Variants in PTPRD observed in about 807,000 individuals in gnomAD.
PTPRD encodes the protein receptor-type tyrosine-protein phosphatase delta.
In PTPRD, 34 loss-of-function variants were observed where a neutral mutation model predicts 214.5. The observed-to-expected ratio is 0.16, with a 90% CI of 0.12 to 0.21. The LOEUF is 0.21. Among genes scored for constraint, PTPRD ranks in the 10% least tolerant of loss-of-function variants. The probability of loss-of-function intolerance (pLI) is 1.00; values close to 1 mark genes in which losing one functional copy is unlikely to be tolerated. For missense variants in PTPRD, 2,545 were observed against 2,398.7 expected (o/e 1.06, Z -1.27); for synonymous variants, 1,128 against 845.7 (o/e 1.33, Z -5.79).
rs149175517 is a variant in PTPRD, at chr9:8,528,683, C to G, written c.449G>C (p.Ser150Thr). 6.2e-7 allele frequency: 1 copy of G among 1,613,780 alleles called. No homozygotes were observed. Among genetic ancestry groups the G allele is most frequent in the Non-Finnish European group, 8.5e-7 (1 of 1,179,780 alleles). The change falls in exon 15 of 46, where the codon AGT becomes ACT. Residue 150 changes from serine to threonine, a missense_variant. Transcript: ENST00000381196. ...AGTGATTTCTGGATCCGGATTACCA[C>G]TGGCTGCACAAAGCATGGTGGCCGT... ...TRTATMLCAA[S>T]GNPDPEITWF...
At chr9:10,595,313 A>T (rs1039360142) in intron 2 of PTPRD, among the ~76,000 whole-genome samples, 1 of 151,964 alleles carries the variant, frequency 6.6e-6, no homozygotes, top group Non-Finnish European at 1.5e-5. Flanking sequence ...GATGAACTAT[A>T]AAAGATAATG....
intron 2 of PTPRD, among the ~76,000 whole-genome samples, chr9:10,376,162 C>T (rs1395937029): frequency 6.6e-6 from 1 of 151,848 alleles, no homozygotes; most frequent in African/African-American, 2.4e-5. Flanking sequence ...GGTTATAAGA[C>T]TAGTTACTAC....
chr9:9,152,768 C>T (rs1200044098), intron 10 of PTPRD, among the ~76,000 whole-genome samples: 1 of 152,174 alleles, frequency 6.6e-6, no homozygotes, highest in East Asian at 1.9e-4. Flanking sequence ...CAAGGCTGAC[C>T]TCATCTTTTC....
chr9:8,737,881 CCTTGTGATCCG>C (rs1445498613), intron 11 of PTPRD, among the ~76,000 whole-genome samples: 1 of 152,132 alleles, frequency 6.6e-6, no homozygotes, highest in African/African-American at 2.4e-5. Context: ...GAACTCCTGA[CCTTGTGATCCG>C]CTCGCCTCGG....
At chr9:9,509,171 G>A (rs902071594) in intron 8 of PTPRD, among the ~76,000 whole-genome samples, 3 of 151,638 alleles carry the variant, frequency 2.0e-5, no homozygotes, top group Non-Finnish European at 4.4e-5. Flanking sequence ...GCCATTCTAA[G>A]TTGCTGGGTT....
At chr9:9,018,426 CATTA>C (rs1034204275) in intron 11 of PTPRD, among the ~76,000 whole-genome samples, 4 of 152,090 alleles carry the variant, frequency 2.6e-5, no homozygotes, top group African/African-American at 7.2e-5. Context: ...AAAACATACC[CATTA>C]TTTAGGACTT....
At chr9:9,495,853 C>T (rs1569568808) in intron 8 of PTPRD, among the ~76,000 whole-genome samples, 1 of 152,190 alleles carries the variant, frequency 6.6e-6, no homozygotes, top group Non-Finnish European at 1.5e-5. Context: ...GGCAATGGGC[C>T]AACTGAGCTG....
intron 4 of PTPRD, among the ~76,000 whole-genome samples, chr9:9,955,551 T>C (rs2093842132): frequency 6.7e-6 from 1 of 149,304 alleles, no homozygotes; most frequent in Non-Finnish European, 1.5e-5. Context: ...TGAGACAGAG[T>C]CTCGCTCTGT....
chr9:9,726,846 G>C (rs2098103050), intron 7 of PTPRD, among the ~76,000 whole-genome samples: 1 of 152,140 alleles, frequency 6.6e-6, no homozygotes, highest in Admixed American at 6.5e-5. Flanking sequence ...AGGAGTGTCA[G>C]CTGAAAATTG....
intron 7 of PTPRD, among the ~76,000 whole-genome samples, chr9:9,595,288 TTATA>T (rs56676115): frequency 0.66 from 81,153 of 123,064 alleles, 24,513 homozygotes; most frequent in South Asian, 0.83. Context: ...TATATATATA[TTATA>T]TATATATATA....
intron 2 of PTPRD, among the ~76,000 whole-genome samples, chr9:10,455,845 A>G (rs1281271778): frequency 6.6e-6 from 1 of 152,002 alleles, no homozygotes; most frequent in East Asian, 1.9e-4. Flanking sequence ...AGTAGAATAT[A>G]AAATATGTAA....
At chr9:9,986,567 G>T (rs1454866553) in intron 4 of PTPRD, among the ~76,000 whole-genome samples, 1 of 152,034 alleles carries the variant, frequency 6.6e-6, no homozygotes, top group East Asian at 1.9e-4. Context: ...CCCACAGGTG[G>T]GGCAATGAGA....
intron 4 of PTPRD, among the ~76,000 whole-genome samples, chr9:10,010,950 T>C (rs1039623837): frequency 6.6e-6 from 1 of 151,962 alleles, no homozygotes; most frequent in African/African-American, 2.4e-5. Flanking sequence ...AATTAGATCA[T>C]AAAGTAATTA....
intron 3 of PTPRD, among the ~76,000 whole-genome samples, chr9:10,197,857 T>C (rs1252639226): frequency 6.6e-6 from 1 of 152,072 alleles, no homozygotes; most frequent in East Asian, 1.9e-4. Context: ...GAACAAGCAC[T>C]CAGATCTGTA....
chr9:9,855,265 G>T (rs1000080484), intron 5 of PTPRD, among the ~76,000 whole-genome samples: 9 of 152,242 alleles, frequency 5.9e-5, no homozygotes, highest in African/African-American at 1.7e-4. Context: ...AAAAGCCAAA[G>T]GATCTATGAC....
chr9:8,580,183 G>GA (rs1346064603), intron 14 of PTPRD, among the ~76,000 whole-genome samples: 1 of 152,152 alleles, frequency 6.6e-6, no homozygotes, highest in Admixed American at 6.5e-5. Context: ...GTAGACATGT[G>GA]AAAAAAGACT....
chr9:8,711,441 TTGAAA>T (rs375282662), intron 12 of PTPRD, among the ~76,000 whole-genome samples: 2 of 152,276 alleles, frequency 1.3e-5, no homozygotes, highest in African/African-American at 2.4e-5. Flanking sequence ...AACTCTCTCC[TTGAAA>T]TGAAATTAAG....
In PTPRD at chr9:8,504,249, A is replaced by C; in HGVS notation, c.1822+12T>G. On this transcript the variant is annotated intron_variant, in intron 23 of 45. Transcript: ENST00000381196. Reference sequence around the variant, plus strand: ...ATAAAAAGGCAGAAAGTAAGCAAAGAGAGACACCTACTTGACTGCATGGTT... The same window carrying C: ...ATAAAAAGGCAGAAAGTAAGCAAAGCGAGACACCTACTTGACTGCATGGTT... 6.2e-7 allele frequency: 1 copy of C among 1,613,868 alleles called. No homozygotes were observed. The highest frequency in any genetic ancestry group is 8.5e-7 in the Non-Finnish European group (1 of 1,179,894).
intron 3 of PTPRD, among the ~76,000 whole-genome samples, chr9:10,179,572 A>C (rs887240646): frequency 1.2e-4 from 18 of 152,086 alleles, no homozygotes; most frequent in African/African-American, 4.1e-4. Flanking sequence ...ACAGGGAAGT[A>C]AGTGCATATT....
Sources: gnomAD v4.1 joint callset for allele counts (sites outside exome capture counted in the v4.1 genomes callset) on GRCh38, gnomAD v4.1.1 for gene constraint, MANE v1.5 for transcripts, NCBI Gene and HGNC (gene_info 2026-07-23, HGNC 2026-07-21) for gene names.